The following GNA14 variants were observed in gnomAD, a reference collection of about 807,000 sequenced individuals.
The protein encoded by GNA14 is G protein subunit alpha 14.
GNA14 carries 50 observed loss-of-function variants against 42.0 expected under a neutral mutation model. The observed-to-expected ratio is 1.19, with a 90% CI of 0.95 to 1.51. The LOEUF is 1.51. Ranked by LOEUF, GNA14 falls within the 40% of genes most tolerant of loss-of-function variation. The pLI is 0.00. For missense variants in GNA14, 473 were observed against 446.2 expected (o/e 1.06, Z -0.54); for synonymous variants, 173 against 163.1 (o/e 1.06, Z -0.46).
At chr9:77,603,020 T>C (rs1490086337) in intron 1 of GNA14, among the ~76,000 whole-genome samples, 1 of 152,192 alleles carries the variant, frequency 6.6e-6, no homozygotes, top group Non-Finnish European at 1.5e-5. Flanking sequence ...TTTGTCTTCA[T>C]TAAAGTAGGG....
intron 1 of GNA14, among the ~76,000 whole-genome samples, chr9:77,617,849 G>C (rs1823848421): frequency 6.6e-6 from 1 of 151,920 alleles, no homozygotes; most frequent in Non-Finnish European, 1.5e-5. Context: ...TCTTCATATA[G>C]TTTATACCAT....
At chr9:77,515,370 G>T (rs565582315) in intron 2 of GNA14, among the ~76,000 whole-genome samples, 20 of 152,300 alleles carry the variant, frequency 1.3e-4, no homozygotes, top group Admixed American at 4.6e-4. Context: ...AAGGAGCATT[G>T]TGAATACAGG....
At chr9:77,572,320 A>G (rs1385568212) in intron 1 of GNA14, among the ~76,000 whole-genome samples, 1 of 152,248 alleles carries the variant, frequency 6.6e-6, no homozygotes, top group African/African-American at 2.4e-5. Context: ...GGAATTATGT[A>G]GACTGAGAAA....
In GNA14 at chr9:77,647,871, A is replaced by G; in HGVS notation, c.-78T>C. 1 of 1,517,572 alleles carries G rather than the reference A, an allele frequency of 6.6e-7. No individual in the cohort carries two copies. The highest frequency in any genetic ancestry group is 1.4e-5 in the African/African-American group (1 of 72,526). 94.0% of individuals were successfully genotyped at this position (1,517,572 alleles called of 1,614,324 possible). A position where few individuals can be genotyped will look rare whatever the true frequency, so the allele number is the denominator to read the frequency against. On this transcript the variant is annotated 5_prime_UTR_variant, in exon 1 of 7. Coordinates refer to ENST00000341700, the MANE Select transcript of GNA14 (RefSeq NM_004297.4). ...CCTCGGCCCGGCCGCTCACCCGGCCAGCATGCGACGGGCACAGGGGTGTGG... is the reference window on the plus strand; with the variant it reads ...CCTCGGCCCGGCCGCTCACCCGGCCGGCATGCGACGGGCACAGGGGTGTGG...
intron 1 of GNA14, among the ~76,000 whole-genome samples, chr9:77,532,120 AT>A (rs113622257): frequency 2.1e-4 from 32 of 150,004 alleles, no homozygotes; most frequent in South Asian, 1.7e-3. Context: ...CAGCTAGTGT[AT>A]TTTTTTTTTC....
chr9:77,479,052 T>G (rs1487863672), intron 2 of GNA14, among the ~76,000 whole-genome samples: 1 of 152,230 alleles, frequency 6.6e-6, no homozygotes, highest in East Asian at 1.9e-4. Flanking sequence ...CAATTTTGGC[T>G]TTTGTTGCCA....
chr9:77,607,304 T>C (rs1213970482), intron 1 of GNA14, among the ~76,000 whole-genome samples: 4 of 152,162 alleles, frequency 2.6e-5, no homozygotes, highest in South Asian at 4.1e-4. Flanking sequence ...AGAAGGCATA[T>C]GTAAGAAATC....
Position 77,585,340 on chromosome 9 carries a change from T to A in GNA14, c.125-56087A>T, listed in dbSNP as rs199651380. 2.3e-4 allele frequency among the ~76,000 whole-genome samples: 35 copies of A among 152,314 alleles called. 1 individual carries two copies. The East Asian group carries it at 6.2e-3, about 27-fold the overall frequency. On this transcript the variant is annotated intron_variant, in intron 1 of 6. Transcript: ENST00000341700. Reference sequence around the variant, plus strand: ...AAGTTCCAAACACAGAGTTGAAGTTTCCTTTTGTAAGGGAAATTTATATCT... The same window carrying A: ...AAGTTCCAAACACAGAGTTGAAGTTACCTTTTGTAAGGGAAATTTATATCT...
chr9:77,454,340 C>G (rs561779475), intron 2 of GNA14, among the ~76,000 whole-genome samples: 2 of 152,296 alleles, frequency 1.3e-5, no homozygotes, highest in African/African-American at 4.8e-5. Context: ...TTTGGGTGGC[C>G]CATTATCCAT....
intron 2 of GNA14, among the ~76,000 whole-genome samples, chr9:77,493,805 G>A (rs1836826676): frequency 6.6e-6 from 1 of 152,088 alleles, no homozygotes; most frequent in South Asian, 2.1e-4. Flanking sequence ...TTGGTGGAGG[G>A]CTTTTTAACA....
At chr9:77,515,686 A>C (rs1292940431) in intron 2 of GNA14, among the ~76,000 whole-genome samples, 1 of 152,050 alleles carries the variant, frequency 6.6e-6, no homozygotes, top group Non-Finnish European at 1.5e-5. Flanking sequence ...AGCTGGTGCC[A>C]GTTTCTGTGG....
intron 3 of GNA14, among the ~76,000 whole-genome samples, chr9:77,433,144 A>G (rs773390177): frequency 2.3e-4 from 35 of 152,132 alleles, no homozygotes; most frequent in Non-Finnish European, 3.1e-4. Flanking sequence ...TTCCTGCCCA[A>G]TGCCTTGTCC....
At chr9:77,493,088 A>G (rs949537708) in intron 2 of GNA14, among the ~76,000 whole-genome samples, 2 of 147,132 alleles carry the variant, frequency 1.4e-5, no homozygotes, top group Non-Finnish European at 3.0e-5. Context: ...TGGAGCCAGC[A>G]GTCCTGGCAC....
chr9:77,642,031 C>CAA (rs112679683), intron 1 of GNA14, among the ~76,000 whole-genome samples: 5 of 150,402 alleles, frequency 3.3e-5, no homozygotes, highest in African/African-American at 1.2e-4. Context: ...AGTAAACAAA[C>CAA]AAAAAAAAAG....
intron 2 of GNA14, among the ~76,000 whole-genome samples, chr9:77,437,272 C>T (rs1436318889): frequency 6.6e-6 from 1 of 152,188 alleles, no homozygotes; most frequent in Non-Finnish European, 1.5e-5. Flanking sequence ...CGGCCAAGTG[C>T]AGTGGCTCAC....
chr9:77,487,284 T>C (rs541528635), intron 2 of GNA14, among the ~76,000 whole-genome samples: 1 of 152,320 alleles, frequency 6.6e-6, no homozygotes, highest in South Asian at 2.1e-4. Context: ...TCCATTATTT[T>C]TGGACTGCAG....
intron 1 of GNA14, among the ~76,000 whole-genome samples, chr9:77,578,816 A>G (rs945588033): frequency 6.6e-6 from 1 of 152,192 alleles, no homozygotes; most frequent in African/African-American, 2.4e-5. Context: ...TTACTGGAAA[A>G]GGGAATGAAC....
chr9:77,463,703 G>A (rs1217727688), intron 2 of GNA14, among the ~76,000 whole-genome samples: 1 of 152,234 alleles, frequency 6.6e-6, no homozygotes, highest in Non-Finnish European at 1.5e-5. Flanking sequence ...CATTTCAGGA[G>A]TGGCTGGTGG....
intron 1 of GNA14, among the ~76,000 whole-genome samples, chr9:77,534,659 G>A (rs931380477): frequency 1.3e-5 from 2 of 152,210 alleles, no homozygotes; most frequent in Non-Finnish European, 2.9e-5. Context: ...CACAGTTCTG[G>A]ATGTTGCTCA....
Sources: gnomAD v4.1 joint callset for allele counts (sites outside exome capture counted in the v4.1 genomes callset) on GRCh38, gnomAD v4.1.1 for gene constraint, MANE v1.5 for transcripts, NCBI Gene and HGNC (gene_info 2026-07-23, HGNC 2026-07-21) for gene names.